Variants in SH3RF2 observed in about 807,000 individuals in gnomAD.
The protein encoded by SH3RF2 is E3 ubiquitin-protein ligase SH3RF2.
A neutral mutation model predicts 59.0 loss-of-function variants in SH3RF2; 43 were observed. The ratio of observed to expected loss-of-function variants is 0.73; its 90% CI spans 0.57 to 0.94. The LOEUF (loss-of-function observed/expected upper bound fraction) is 0.94. SH3RF2 is among the 40% of genes least tolerant of loss of function. The pLI is 0.00. For synonymous variants in SH3RF2, 391 were observed against 391.5 expected (o/e 1.00, Z 0.01); for missense variants, 930 against 940.1 (o/e 0.99, Z 0.14).
intron 2 of SH3RF2, among the ~76,000 whole-genome samples, chr5:145,994,658 C>T (rs930504745): frequency 2.4e-4 from 37 of 152,302 alleles, no homozygotes; most frequent in African/African-American, 8.9e-4. Context: ...AAGATTTGCC[C>T]CCATGATTCA....
At chr5:146,015,464 A>G (rs1037271886) in intron 5 of SH3RF2, among the ~76,000 whole-genome samples, 1 of 152,182 alleles carries the variant, frequency 6.6e-6, no homozygotes, top group Non-Finnish European at 1.5e-5. Context: ...ACACACACAC[A>G]CAAACACACA....
chr5:146,012,787 A>C (rs1052690634), intron 4 of SH3RF2, among the ~76,000 whole-genome samples: 1 of 152,138 alleles, frequency 6.6e-6, no homozygotes, highest in Admixed American at 6.6e-5. Flanking sequence ...ATTATGACAT[A>C]TTGCTTGTGA....
chr5:146,068,627 G>T (rs192539184), intron 9 of SH3RF2, among the ~76,000 whole-genome samples: 9 of 152,220 alleles, frequency 5.9e-5, no homozygotes, highest in African/African-American at 2.2e-4. Context: ...ATCATACAAG[G>T]ACATTTTACT....
intron 2 of SH3RF2, among the ~76,000 whole-genome samples, chr5:145,996,184 T>C (rs1236528044): frequency 6.6e-6 from 1 of 152,214 alleles, no homozygotes; most frequent in South Asian, 2.1e-4. Context: ...TTCTTTCAAA[T>C]GATCATTGCG....
At chr5:146,077,425 T>C (rs1194327521) in intron 9 of SH3RF2, among the ~76,000 whole-genome samples, 2 of 152,204 alleles carry the variant, frequency 1.3e-5, no homozygotes, top group Non-Finnish European at 2.9e-5. Flanking sequence ...ATTTCAGACT[T>C]TTATAAATGT....
In SH3RF2 at chr5:146,000,229, C is replaced by T; in HGVS notation, c.550C>T (p.Gln184Ter). ...AGCCAGCTCCGTGGAAGTCATCAAG[C>T]AGCTGCCCCAGCCGCCCCCGCTCTG... ...FPASSVEVIK[Q>*]LPQPPPLCRA... Residue 184 changes from glutamine to a stop codon, truncating the protein, a stop_gained, in exon 3 of 10, where the codon CAG becomes TAG. Coordinates refer to ENST00000359120, the MANE Select transcript of SH3RF2 (RefSeq NM_152550.4). LOFTEE classifies it high-confidence loss of function. 6.2e-7 allele frequency: 1 copy of T among 1,613,852 alleles called. No homozygotes were observed. The highest frequency in any genetic ancestry group is 1.1e-5 in the South Asian group (1 of 91,000).
chr5:145,942,741 A>G (rs1757864966), intron 2 of SH3RF2, among the ~76,000 whole-genome samples: 1 of 152,238 alleles, frequency 6.6e-6, no homozygotes, highest in African/African-American at 2.4e-5. Context: ...AGAGACCCAG[A>G]TGGTTCTCCA....
intron 5 of SH3RF2, among the ~76,000 whole-genome samples, chr5:146,021,296 TAC>T (rs1250116842): frequency 6.6e-6 from 1 of 152,214 alleles, no homozygotes; most frequent in Non-Finnish European, 1.5e-5. Flanking sequence ...TGAGGTAATT[TAC>T]AGAGATAAAT....
chr5:146,056,816 A>T (rs918091145), intron 8 of SH3RF2, among the ~76,000 whole-genome samples: 2 of 152,200 alleles, frequency 1.3e-5, no homozygotes, highest in Admixed American at 6.5e-5. Flanking sequence ...ACACCTGTTA[A>T]CCATACTCAC....
chr5:145,964,584 G>A (rs931280514), intron 2 of SH3RF2, among the ~76,000 whole-genome samples: 1 of 152,116 alleles, frequency 6.6e-6, no homozygotes, highest in African/African-American at 2.4e-5. Flanking sequence ...TGGGATTACG[G>A]GCGTGAGCCA....
intron 3 of SH3RF2, among the ~76,000 whole-genome samples, chr5:146,000,600 T>C (rs1760371297): frequency 6.6e-6 from 1 of 152,192 alleles, no homozygotes; most frequent in African/African-American, 2.4e-5. Flanking sequence ...TCTGTAAGCC[T>C]TTTTTATTGT....
chr5:146,037,723 A>G (rs1457658296), intron 5 of SH3RF2, among the ~76,000 whole-genome samples: 1 of 152,270 alleles, frequency 6.6e-6, no homozygotes, highest in Non-Finnish European at 1.5e-5. Flanking sequence ...CTCCAGACCC[A>G]GACAGATTTA....
At chr5:145,962,940 C>G (rs12522098) in intron 2 of SH3RF2, among the ~76,000 whole-genome samples, 13,583 of 145,408 alleles carry the variant, frequency 0.093, 959 homozygotes, top group East Asian at 0.26. Flanking sequence ...CTCTGTCGCC[C>G]AGGCTGGAGT....
chr5:146,035,589 C>T (rs1177305834), intron 5 of SH3RF2, among the ~76,000 whole-genome samples: 10 of 152,190 alleles, frequency 6.6e-5, no homozygotes, highest in Admixed American at 6.5e-4. Flanking sequence ...AACCCAAGTT[C>T]CTAACAGTTA....
chr5:146,002,521 GA>G (rs1458092651), intron 3 of SH3RF2, among the ~76,000 whole-genome samples: 30 of 149,444 alleles, frequency 2.0e-4, no homozygotes, highest in Non-Finnish European at 2.8e-4. Context: ...AGGAAGGAAG[GA>G]AGGAAGGAAG....
At chr5:146,009,370 A>G (rs914578429) in intron 4 of SH3RF2, among the ~76,000 whole-genome samples, 5 of 151,810 alleles carry the variant, frequency 3.3e-5, no homozygotes, top group Admixed American at 6.6e-5. Flanking sequence ...TTCTCCTTAC[A>G]TGCTCTGTTC....
intron 2 of SH3RF2, among the ~76,000 whole-genome samples, chr5:145,973,309 A>G (rs1037479884): frequency 6.6e-5 from 10 of 152,320 alleles, no homozygotes; most frequent in Admixed American, 2.0e-4. Flanking sequence ...TGGGGACAGT[A>G]GGGAGACTGC....
At chr5:146,032,016 G>T (rs973920058) in intron 5 of SH3RF2, among the ~76,000 whole-genome samples, 6 of 152,212 alleles carry the variant, frequency 3.9e-5, no homozygotes, top group African/African-American at 7.2e-5. Context: ...CCCCAGCCAG[G>T]TAGGAGGGCA....
intron 5 of SH3RF2, among the ~76,000 whole-genome samples, chr5:146,020,047 C>T (rs367700915): frequency 4.6e-5 from 7 of 152,196 alleles, no homozygotes; most frequent in African/African-American, 1.7e-4. Context: ...CATCAGCAAA[C>T]AGAGATGGTT....
Sources: gnomAD v4.1 joint callset for allele counts (sites outside exome capture counted in the v4.1 genomes callset) on GRCh38, gnomAD v4.1.1 for gene constraint, MANE v1.5 for transcripts, NCBI Gene and HGNC (gene_info 2026-07-23, HGNC 2026-07-21) for gene names.